PRCD: variants seen among roughly 807,000 people sequenced by gnomAD.
PRCD encodes the protein photoreceptor disc component.
Under a neutral mutation model 10.1 loss-of-function variants are expected in PRCD, and 12 were observed. That is an observed-to-expected ratio of 1.18 (90% CI 0.76 to 1.92). PRCD has a LOEUF of 1.92. PRCD is among the 40% of genes most tolerant of loss of function. PRCD has a pLI of 0.00. For synonymous variants in PRCD, 31 were observed against 26.2 expected, an observed-to-expected ratio of 1.18 and a Z score of -0.56; for missense variants, 61 against 72.2, an observed-to-expected ratio of 0.84 and a Z score of 0.56.
At position 76,531,885 on chromosome 17, in the gene PRCD, G is replaced by A. The variant is rs1399147479; in HGVS notation, n.45+4052G>A. On this transcript the variant is annotated intron_variant and non_coding_transcript_variant, in intron 1 of 4. Transcript: ENST00000397633. This position sits in a 1 kb window ranked among gnomAD's most constrained non-coding sequence, Gnocchi z 7.4. ...GGCCAAGCCGGCTCACCCCTACCAAGTCTGGCCATGTCTATCTGCCAGGCT... is the reference window on the plus strand; with the variant it reads ...GGCCAAGCCGGCTCACCCCTACCAAATCTGGCCATGTCTATCTGCCAGGCT... 1 of 530,656 alleles carries A rather than the reference G, an allele frequency of 1.9e-6. No individual in the cohort carries two copies. Among genetic ancestry groups the A allele is most frequent in the Non-Finnish European group, 3.4e-6 (1 of 297,522 alleles). The allele number at this position is 530,656 out of a possible 1,614,324, so 32.9% of individuals were successfully genotyped here.
At chr17:76,534,329 C>A (rs2074890281) in intron 1 of PRCD, among the ~76,000 whole-genome samples, 2 of 152,134 alleles carry the variant, frequency 1.3e-5, no homozygotes, top group Non-Finnish European at 2.9e-5. Context: ...CAGGTGCCCG[C>A]CACCACACCC....
downstream of PRCD, chr17:76,546,987 G>A (rs956658520): frequency 6.6e-6 from 1 of 152,234 alleles, no homozygotes; most frequent in African/African-American, 2.4e-5. This position sits in a 1 kb window ranked among gnomAD's most constrained non-coding sequence, Gnocchi z 4.5. Context: ...TGGGGGCCGT[G>A]AGGAAATTTT....
chr17:76,547,689 TCA>T (rs755549580), downstream of PRCD, among the ~76,000 whole-genome samples: 4 of 129,018 alleles, frequency 3.1e-5, no homozygotes, highest in South Asian at 2.7e-4. Flanking sequence ...ACACCCACAT[TCA>T]CACACACAGA....
chr17:76,527,960 C>G (rs151082516), intron 1 of PRCD: 3,935 of 378,538 alleles, frequency 0.01, 23 homozygotes, highest in Non-Finnish European at 0.015. Context: ...TGCCCCAGCC[C>G]TGCCCCTCCA....
chr17:76,549,087 C>A (rs562501584), downstream of PRCD, among the ~76,000 whole-genome samples: 4 of 152,290 alleles, frequency 2.6e-5, no homozygotes, highest in African/African-American at 9.6e-5. Context: ...GTCCTTTCAA[C>A]AGGATACAAA....
intron 1 of PRCD, chr17:76,529,218 G>A (rs527993094): frequency 4.6e-5 from 45 of 985,442 alleles, no homozygotes; most frequent in Non-Finnish European, 5.1e-5. Context: ...GACCCTGGCA[G>A]CAGGGAGGCT....
chr17:76,542,497 G>T, intron 2 of PRCD, 56 bp from the exon 3 acceptor site: 1 of 1,609,788 alleles, frequency 6.2e-7, no homozygotes, highest in Non-Finnish European at 8.5e-7. Flanking sequence ...AGGAGAGTCA[G>T]AAACATGGGA....
At chr17:76,529,042 G>T in intron 1 of PRCD, 2 of 826,070 alleles carry the variant, frequency 2.4e-6, no homozygotes, top group Non-Finnish European at 2.7e-6. Flanking sequence ...TGCAGTCATT[G>T]CGCCCCCCCC....
chr17:76,528,541 C>G lies in PRCD; in HGVS notation n.45+708C>G. ...GGTCTTCAGAACTCGGCCTTCTGCT[C>G]GAGGTGCTGCCAGGGAGGGGGGTGG... On this transcript the variant is annotated intron_variant and non_coding_transcript_variant, in intron 1 of 4. Coordinates refer to the PRCD transcript ENST00000397633. The surrounding 1 kb of genome is among the most constrained non-coding windows in gnomAD (Gnocchi z 5.8). 1 of 1,282,614 alleles carries G rather than the reference C, an allele frequency of 7.8e-7. No individual in the cohort carries two copies. The highest frequency in any genetic ancestry group is 3.1e-5 in the East Asian group (1 of 32,324). The allele number at this position is 1,282,614 out of a possible 1,614,324, so 79.5% of individuals were successfully genotyped here. A position where few individuals can be genotyped will look rare whatever the true frequency, so the allele number is the denominator to read the frequency against.
At chr17:76,537,597 G>A (rs566257286), upstream of PRCD, 71 of 1,049,740 alleles carry the variant, frequency 6.8e-5, no homozygotes, top group East Asian at 3.4e-3. Context: ...GCGGGGCGCG[G>A]GGCGCGGGGC....
At chr17:76,551,024 G>A (rs550296328) in intron 1 of PRCD, 8 of 152,378 alleles carry the variant, frequency 5.3e-5, no homozygotes, top group African/African-American at 1.9e-4. Context: ...AATCAGCAGA[G>A]CTGGGACTTT....
Position 76,530,614 on chromosome 17 carries a change from C to A in PRCD, n.45+2781C>A, listed in dbSNP as rs1240311167. Among the ~76,000 whole-genome samples, 1 of 152,176 alleles carries A rather than the reference C, an allele frequency of 6.6e-6. No individual in the cohort carries two copies. The highest frequency in any genetic ancestry group is 1.5e-5 in the Non-Finnish European group (1 of 68,028). The stretch of plus-strand genomic sequence containing the variant: ...GGCACCCAGGGAGGAAGTGGCTGGG[C>A]TGACCTGGGCTGCCTCCGAGCCTGA... On this transcript the variant is annotated intron_variant and non_coding_transcript_variant, in intron 1 of 4. Coordinates refer to the PRCD transcript ENST00000397633. The surrounding 1 kb of genome is among the most constrained non-coding windows in gnomAD (Gnocchi z 6.1).
chr17:76,527,913 G>C, intron 1 of PRCD: 2 of 419,434 alleles, frequency 4.8e-6, no homozygotes, highest in South Asian at 3.4e-5. Context: ...TGGGGAGCTG[G>C]TCTGAGAAGG....
At chr17:76,534,174 CTCTT>C (rs71363640) in intron 1 of PRCD, among the ~76,000 whole-genome samples, 51 of 106,064 alleles carry the variant, frequency 4.8e-4, no homozygotes, top group Non-Finnish European at 8.2e-4. Context: ...CTCTCTCTCT[CTCTT>C]TCTTTCTTTC....
At position 76,530,950 on chromosome 17, in the gene PRCD, G is replaced by T. The variant is rs2074830318; in HGVS notation, n.45+3117G>T. 6.5e-7 allele frequency: 1 copy of T among 1,541,262 alleles called. No individual in the cohort carries two copies. The highest frequency in any genetic ancestry group is 1.4e-5 in the African/African-American group (1 of 73,096). On this transcript the variant is annotated intron_variant and non_coding_transcript_variant, in intron 1 of 4. Coordinates refer to the PRCD transcript ENST00000397633. This position sits in a 1 kb window ranked among gnomAD's most constrained non-coding sequence, Gnocchi z 6.1. ...CAGCAGAGGACATGGCGGGGAGGCT[G>T]CCCAGCCCACCCTCGCCCGCCTCCT... is the stretch of plus-strand genomic sequence containing the variant.
chr17:76,528,110 A>C lies in PRCD; in HGVS notation n.45+277A>C. ...GGCGCCGCGGATACACATTCTAGAT[A>C]TGTATGTGTGTATATATATATGTAT... On this transcript the variant is annotated intron_variant and non_coding_transcript_variant, in intron 1 of 4. Transcript: ENST00000397633. This position sits in a 1 kb window ranked among gnomAD's most constrained non-coding sequence, Gnocchi z 5.8. 2 of 408,334 alleles carry C rather than the reference A, an allele frequency of 4.9e-6. No individual in the cohort carries two copies. The highest frequency in any genetic ancestry group is 4.5e-5 in the East Asian group (1 of 22,022). The allele number at this position is 408,334 out of a possible 1,614,324, so 25.3% of individuals were successfully genotyped here. A position where few individuals can be genotyped will look rare whatever the true frequency, so the allele number is the denominator to read the frequency against.
intron 2 of PRCD, among the ~76,000 whole-genome samples, chr17:76,541,163 T>C (rs2074988415): frequency 6.6e-6 from 1 of 152,188 alleles, no homozygotes; most frequent in African/African-American, 2.4e-5. Flanking sequence ...TTCCAGACTT[T>C]TCCTTCCCTG....
intron 1 of PRCD, chr17:76,529,055 A>G (rs12949753): frequency 3.2e-6 from 1 of 313,360 alleles, no homozygotes; most frequent in Non-Finnish European, 3.8e-6. Flanking sequence ...CCCCCCCCCC[A>G]CCCCCCACCC....
Position 76,528,570 on chromosome 17 carries a change from T to TGG in PRCD, n.45+737_45+738insGG. On this transcript the variant is annotated intron_variant and non_coding_transcript_variant, in intron 1 of 4. Transcript: ENST00000397633. This position sits in a 1 kb window ranked among gnomAD's most constrained non-coding sequence, Gnocchi z 5.8. ...GTGCTGCCAGGGAGGGGGGTGGAGT[T>TGG]AGGGGTCCTACGGCCCCGAAGAGGG... 7.8e-7 allele frequency: 1 copy of TGG among 1,278,302 alleles called. No homozygotes were observed. The highest frequency in any genetic ancestry group is 1.0e-6 in the Non-Finnish European group (1 of 1,003,378). 79.2% of individuals were successfully genotyped at this position (1,278,302 alleles called of 1,614,324 possible).
Sources: gnomAD v4.1 joint callset for allele counts (sites outside exome capture counted in the v4.1 genomes callset) on GRCh38, gnomAD v4.1.1 for gene constraint, Gnocchi (gnomAD v3.1) non-coding constraint, MANE v1.5 for transcripts, NCBI Gene and HGNC (gene_info 2026-07-23, HGNC 2026-07-21) for gene names.